Variants in KIAA1217 observed in about 807,000 individuals in gnomAD.
The protein encoded by KIAA1217 is KIAA1217, also known as sickle tail protein homolog.
A neutral mutation model predicts 163.9 loss-of-function variants in KIAA1217; 88 were observed. The observed-to-expected ratio is 0.54, with a 90% CI of 0.45 to 0.64. The LOEUF (loss-of-function observed/expected upper bound fraction) is 0.64, where lower values mean the gene tolerates loss of function less well. Ranked by LOEUF, KIAA1217 falls within the 30% of genes least tolerant of loss-of-function variation. KIAA1217 has a pLI of 0.00. For synonymous variants in KIAA1217, 903 were observed against 923.1 expected (o/e 0.98, Z 0.39); for missense variants, 2,372 against 2,475.0 (o/e 0.96, Z 0.88).
chr10:24,105,892 T>G (rs2062608540), intron 2 of KIAA1217, among the ~76,000 whole-genome samples: 1 of 152,178 alleles, frequency 6.6e-6, no homozygotes, highest in African/African-American at 2.4e-5. Flanking sequence ...GGAAAGTACT[T>G]GGGCTGTGCA....
chr10:23,856,082 G>A (rs963966051), intron 1 of KIAA1217, among the ~76,000 whole-genome samples: 2 of 152,222 alleles, frequency 1.3e-5, no homozygotes, highest in Non-Finnish European at 2.9e-5. Context: ...AGGAGGAGAG[G>A]CACTCTGCTT....
intron 2 of KIAA1217, among the ~76,000 whole-genome samples, chr10:24,194,316 C>T (rs2066877539): frequency 9.4e-6 from 1 of 106,536 alleles, no homozygotes; most frequent in South Asian, 4.4e-4. Flanking sequence ...CCCCTCCTCT[C>T]CCCTCTCCTC....
At chr10:24,133,654 AG>A (rs1161532530) in intron 2 of KIAA1217, among the ~76,000 whole-genome samples, 6 of 152,160 alleles carry the variant, frequency 3.9e-5, no homozygotes, top group African/African-American at 1.4e-4. Context: ...TGATCAAAAC[AG>A]CAACTAGTGA....
At chr10:24,313,385 T>G (rs912496294) in intron 2 of KIAA1217, among the ~76,000 whole-genome samples, 1 of 152,278 alleles carries the variant, frequency 6.6e-6, no homozygotes, top group African/African-American at 2.4e-5. Context: ...GCCTGGCGAT[T>G]AAATGTTCTT....
intron 10 of KIAA1217, among the ~76,000 whole-genome samples, chr10:24,515,190 C>T (rs946962445): frequency 1.3e-5 from 2 of 151,686 alleles, no homozygotes; most frequent in Admixed American, 1.3e-4. Flanking sequence ...ATGTCAGCCT[C>T]CCGAGTAGCT....
At chr10:24,530,751 C>T (rs564934039) in intron 14 of KIAA1217, among the ~76,000 whole-genome samples, 61 of 152,094 alleles carry the variant, frequency 4.0e-4, no homozygotes, top group African/African-American at 1.0e-3. Context: ...TTAAAAAATC[C>T]GCTGGGCATG....
intron 2 of KIAA1217, among the ~76,000 whole-genome samples, chr10:24,008,868 A>G (rs756179527): frequency 6.6e-6 from 1 of 152,180 alleles, no homozygotes; most frequent in African/African-American, 2.4e-5. Context: ...TTGAATCTTT[A>G]AAGAGCTAGG....
At chr10:24,510,624 C>T (rs1206712173) in intron 9 of KIAA1217, among the ~76,000 whole-genome samples, 1 of 152,174 alleles carries the variant, frequency 6.6e-6, no homozygotes, top group African/African-American at 2.4e-5. Context: ...CCCCTCACAA[C>T]CCTGTCATCA....
intron 1 of KIAA1217, among the ~76,000 whole-genome samples, chr10:23,857,535 C>A (rs1839748964): frequency 6.6e-6 from 1 of 152,130 alleles, no homozygotes; most frequent in South Asian, 2.1e-4. Context: ...GGTCTTCAAG[C>A]CTGTCTCTAT....
intron 1 of KIAA1217, among the ~76,000 whole-genome samples, chr10:23,941,471 A>G (rs1056890351): frequency 3.2e-4 from 49 of 152,320 alleles, no homozygotes; most frequent in Non-Finnish European, 4.7e-4. Context: ...TCGGACTAAC[A>G]TTTATTCCAC....
intron 3 of KIAA1217, among the ~76,000 whole-genome samples, chr10:24,426,596 G>T (rs1206534230): frequency 6.6e-6 from 1 of 152,052 alleles, no homozygotes; most frequent in Non-Finnish European, 1.5e-5. Context: ...TTGCACTCCA[G>T]CTTGGGCAAC....
At chr10:23,809,858 A>C (rs1717869842) in intron 1 of KIAA1217, among the ~76,000 whole-genome samples, 1 of 152,062 alleles carries the variant, frequency 6.6e-6, no homozygotes, top group African/African-American at 2.4e-5. Context: ...CTCTGACTTA[A>C]CAGTTCTTTG....
chr10:24,211,575 GTATTGTATTGTATTGTATTTTATTT>G (rs2068118303), intron 1 of KIAA1217, among the ~76,000 whole-genome samples: 1 of 142,064 alleles, frequency 7.0e-6, no homozygotes, highest in African/African-American at 2.6e-5. Flanking sequence ...GTATTGTATT[GTATTGTATTGTATTGTATTTTATTT>G]TATTTTAGAG....
chr10:24,453,486 T>G (rs1261088285), intron 5 of KIAA1217, among the ~76,000 whole-genome samples: 1 of 152,270 alleles, frequency 6.6e-6, no homozygotes, highest in Admixed American at 6.5e-5. Context: ...TCCAGTATTT[T>G]TTATGGAAGG....
chr10:24,123,622 G>A (rs558202850), intron 2 of KIAA1217, among the ~76,000 whole-genome samples: 6 of 152,236 alleles, frequency 3.9e-5, no homozygotes, highest in South Asian at 2.1e-4. Context: ...TCTAGCTGCC[G>A]ATGGCAGTCA....
chr10:24,476,279 C>T (rs896910766), intron 6 of KIAA1217, among the ~76,000 whole-genome samples: 14 of 152,226 alleles, frequency 9.2e-5, no homozygotes, highest in Middle Eastern at 3.4e-3. Context: ...CTTTTCAAGA[C>T]GTTTAGTTAT....
At chr10:23,830,213 C>T (rs1414448) in intron 1 of KIAA1217, among the ~76,000 whole-genome samples, 29,172 of 152,002 alleles carry the variant, frequency 0.19, 2,926 homozygotes, top group Middle Eastern at 0.29. Flanking sequence ...TCTTTTTGCT[C>T]CCTTAAAAAG....
At chr10:23,906,299 T>A (rs531136792) in intron 1 of KIAA1217, among the ~76,000 whole-genome samples, 1 of 151,736 alleles carries the variant, frequency 6.6e-6, no homozygotes, top group Admixed American at 6.6e-5. Context: ...CACAAACACG[T>A]ACACACCCCA....
intron 2 of KIAA1217, among the ~76,000 whole-genome samples, chr10:24,180,367 A>G (rs2066117976): frequency 6.9e-6 from 1 of 145,048 alleles, no homozygotes; most frequent in Admixed American, 7.2e-5. Flanking sequence ...GCTCACTGCA[A>G]CCTCCACCTC....
Sources: allele counts gnomAD v4.1 joint callset (sites outside exome capture counted in the v4.1 genomes callset), GRCh38; gene constraint gnomAD v4.1.1; transcripts MANE v1.5; gene names NCBI Gene and HGNC (gene_info 2026-07-23, HGNC 2026-07-21).